The following HNRNPUL1 variants were observed in gnomAD, a reference collection of about 807,000 sequenced individuals.
HNRNPUL1 encodes the protein heterogeneous nuclear ribonucleoprotein U like 1.
In HNRNPUL1, 14 loss-of-function variants were observed where a neutral mutation model predicts 108.5. That is an observed-to-expected ratio of 0.13 (90% confidence interval 0.09 to 0.20). The LOEUF (loss-of-function observed/expected upper bound fraction) is 0.20, where lower values mean the gene tolerates loss of function less well. Ranked by LOEUF, HNRNPUL1 falls within the 10% of genes least tolerant of loss-of-function variation. HNRNPUL1 has a pLI of 1.00. For missense variants in HNRNPUL1, 804 were observed against 1,168.3 expected (o/e 0.69, Z 4.55); for synonymous variants, 422 against 445.2 (o/e 0.95, Z 0.66).
At chr19:41,265,179 C>A in intron 1 of HNRNPUL1, 1 of 1,461,162 alleles carries the variant, frequency 6.8e-7, no homozygotes, top group South Asian at 1.3e-5. Flanking sequence ...TACGGAGCTC[C>A]GTGGGCTTGG....
At chr19:41,274,646 C>G (rs2035439829) in intron 4 of HNRNPUL1, among the ~76,000 whole-genome samples, 1 of 152,192 alleles carries the variant, frequency 6.6e-6, no homozygotes, top group Non-Finnish European at 1.5e-5. Context: ...GCTCAGACCT[C>G]CTAGTCAAGA....
chr19:41,266,924 G>A lies in HNRNPUL1; in HGVS notation c.296-1299G>A, dbSNP rs191911374. 1.2e-4 allele frequency among the ~76,000 whole-genome samples: 18 copies of A among 152,326 alleles called. No homozygotes were observed. In the East Asian group the frequency reaches 3.1e-3, roughly 26 times the overall value. On this transcript the variant is annotated intron_variant, in intron 1 of 14. Transcript: ENST00000392006. ...AGGAGTGGGCCTGTGTGTGTGTCTA[G>A]AGCAGGAGGGATCGTGGCAGGAATG...
intron 11 of HNRNPUL1, 49 bp from the exon 12 acceptor site, chr19:41,302,616 G>C: frequency 6.2e-7 from 1 of 1,610,922 alleles, no homozygotes; most frequent in South Asian, 1.1e-5. Flanking sequence ...ACTTCAGAAG[G>C]TACTGACCTC....
chr19:41,295,233 G>T (rs1174984751), intron 10 of HNRNPUL1, among the ~76,000 whole-genome samples: 1 of 152,128 alleles, frequency 6.6e-6, no homozygotes, highest in South Asian at 2.1e-4. Flanking sequence ...TCACAAATAC[G>T]TATGACTGGC....
chr19:41,291,254 A>T (rs1007268191), intron 7 of HNRNPUL1, among the ~76,000 whole-genome samples: 3 of 152,130 alleles, frequency 2.0e-5, no homozygotes, highest in African/African-American at 7.2e-5. Flanking sequence ...ACTTGCTTCT[A>T]GGTAGGTCAT....
In HNRNPUL1 at chr19:41,302,889, A is replaced by G; in HGVS notation, c.1912A>G (p.Asn638Asp). 6.5e-7 allele frequency: 1 copy of G among 1,544,196 alleles called. No individual in the cohort carries two copies. The highest frequency in any genetic ancestry group is 8.7e-7 in the Non-Finnish European group (1 of 1,146,016). Residue 638 changes from asparagine to aspartate, a missense_variant, in exon 12 of 15, where the codon AAC becomes GAC. Coordinates refer to ENST00000392006, the MANE Select transcript of HNRNPUL1 (RefSeq NM_007040.6). ...TGAAAACCGAGGACCCCCTGGAGGCAACCGTGGCGGCTTCCAGAACCGAGG... is the reference window on the plus strand; with the variant it reads ...TGAAAACCGAGGACCCCCTGGAGGCGACCGTGGCGGCTTCCAGAACCGAGG... ...RYENRGPPGG[N>D]RGGFQNRGGG... is the part of the protein sequence containing the mutation.
intron 13 of HNRNPUL1, among the ~76,000 whole-genome samples, chr19:41,304,680 T>C (rs1191491453): frequency 6.6e-6 from 1 of 152,266 alleles, no homozygotes; most frequent in African/African-American, 2.4e-5. Flanking sequence ...CTAAGGTTGC[T>C]GAGGACTTGC....
Position 41,264,751 on chromosome 19 carries a change from T to C in HNRNPUL1, c.248T>C (p.Leu83Pro). The change falls in exon 1 of 15, where the codon CTG becomes CCG. Residue 83 changes from leucine (L) to proline (P), a missense_variant. Coordinates refer to ENST00000392006, the MANE Select transcript of HNRNPUL1 (RefSeq NM_007040.6). ...ACCGCGCAGCCACCGCCGCCCGGGC[T>C]GCAGCCGCACGCGGAGCCCGGCGGC... ...EGTAQPPPPG[L>P]QPHAEPGGYS... The C allele has an allele frequency of 7.2e-7, 1 of 1,389,472 alleles. No individual in the cohort carries two copies. 86.1% of individuals were successfully genotyped at this position (1,389,472 alleles called of 1,614,324 possible).
Position 41,306,549 on chromosome 19 carries a change from G to A in HNRNPUL1, c.2555G>A (p.Gly852Asp). 1.3e-6 allele frequency: 2 copies of A among 1,598,176 alleles called. No individual in the cohort carries two copies. Among genetic ancestry groups the A allele is most frequent in the Non-Finnish European group, 8.5e-7 (1 of 1,172,650 alleles). ...AGCTACTCCGGGAACACACAGGGTGGCACAAGTACACAGTAGCCAGTGTGA... is the reference window on the plus strand; with the variant it reads ...AGCTACTCCGGGAACACACAGGGTGACACAAGTACACAGTAGCCAGTGTGA... ...YGSYSGNTQG[G>D]TSTQ is the part of the protein sequence containing the mutation. Residue 852 changes from glycine (G) to aspartate (D), a missense_variant, in exon 15 of 15, where the codon GGC (glycine) becomes GAC (aspartate). Gly to Asp is a moderately conservative substitution (Grantham distance 94, BLOSUM62 -1). Transcript: ENST00000392006.
At chr19:41,306,320 C>CT (rs1026410277) in intron 14 of HNRNPUL1, 129 bp from the exon 15 acceptor site, 32 of 618,130 alleles carry the variant, frequency 5.2e-5, no homozygotes, top group Admixed American at 1.4e-4. Context: ...CTTGATTTCT[C>CT]TGTCAGGGGA....
chr19:41,291,965 G>T, intron 7 of HNRNPUL1: 1 of 415,806 alleles, frequency 2.4e-6, no homozygotes, highest in Non-Finnish European at 4.4e-6. Context: ...GGGGGACAGG[G>T]TGAGACCCTG....
intron 6 of HNRNPUL1, among the ~76,000 whole-genome samples, chr19:41,279,640 CG>C (rs2035788564): frequency 6.6e-6 from 1 of 152,132 alleles, no homozygotes; most frequent in Admixed American, 6.5e-5. Context: ...TTGAATTTTG[CG>C]GGTCCCCAGG....
intron 4 of HNRNPUL1, 62 bp from the exon 5 acceptor site, chr19:41,276,097 C>G: frequency 6.2e-7 from 1 of 1,606,468 alleles, no homozygotes; most frequent in Non-Finnish European, 8.5e-7. Context: ...GAGTGAAACT[C>G]CGTCTCAAGA....
chr19:41,265,279 A>G, intron 1 of HNRNPUL1: 1 of 1,306,114 alleles, frequency 7.7e-7, no homozygotes, highest in Non-Finnish European at 9.9e-7. Context: ...GGGCTGCGAG[A>G]GTTCTGAGGA....
chr19:41,266,570 G>A (rs373879962), intron 1 of HNRNPUL1, among the ~76,000 whole-genome samples: 4 of 152,248 alleles, frequency 2.6e-5, no homozygotes, highest in Admixed American at 1.3e-4. Flanking sequence ...GATTACAGGC[G>A]TGAATCACTG....
At chr19:41,289,209 A>G (rs921205925) in intron 7 of HNRNPUL1, among the ~76,000 whole-genome samples, 3 of 152,154 alleles carry the variant, frequency 2.0e-5, no homozygotes, top group African/African-American at 7.2e-5. Context: ...GATTCCTTAT[A>G]TAGTTTTCTT....
At position 41,305,725 on chromosome 19, in the gene HNRNPUL1, A is replaced by T. The variant is rs2037503086; in HGVS notation, c.2312A>T (p.Tyr771Phe). 1 of 1,614,138 alleles carries T rather than the reference A, an allele frequency of 6.2e-7. No homozygotes were observed. The highest frequency in any genetic ancestry group is 1.3e-5 in the African/African-American group (1 of 75,022). Reference protein sequence around the residue: ...PYNQGGYSQGYTAPPPPPPPP... With the variant: ...PYNQGGYSQGFTAPPPPPPPP... ...AACCAGGGAGGTTACAGCCAGGGCT[A>T]CACAGCCCCACCGCCTCCACCTCCA... is the stretch of plus-strand genomic sequence containing the variant. Residue 771 changes from tyrosine (Y) to phenylalanine (F), a missense_variant, in exon 14 of 15, where the codon TAC becomes TTC. Coordinates refer to ENST00000392006, the MANE Select transcript of HNRNPUL1 (RefSeq NM_007040.6).
intron 4 of HNRNPUL1, 63 bp downstream of exon 4, chr19:41,274,118 G>T: frequency 7.4e-7 from 1 of 1,349,732 alleles, no homozygotes; most frequent in South Asian, 1.2e-5. Flanking sequence ...TTGTGGTCTT[G>T]ACCTTCACCA....
At chr19:41,301,322 C>T (rs1212412070) in intron 10 of HNRNPUL1, among the ~76,000 whole-genome samples, 3 of 152,116 alleles carry the variant, frequency 2.0e-5, no homozygotes, top group African/African-American at 4.8e-5. Flanking sequence ...AATCCTTTGC[C>T]CTGTGCCTGT....
Sources: gnomAD v4.1 joint callset for allele counts (sites outside exome capture counted in the v4.1 genomes callset) on GRCh38, gnomAD v4.1.1 for gene constraint, MANE v1.5 for transcripts, NCBI Gene and HGNC (gene_info 2026-07-23, HGNC 2026-07-21) for gene names.